Variants in TDO2 observed in about 807,000 individuals in gnomAD.
TDO2 encodes tryptophan 2,3-dioxygenase, also known as tryptamin 2,3-dioxygenase.
In TDO2, 63 loss-of-function variants were observed where a neutral mutation model predicts 61.2. The observed-to-expected ratio is 1.03, with a 90% CI of 0.84 to 1.27. The LOEUF is 1.27. TDO2 is among the 50% of genes most tolerant of loss of function. TDO2 has a pLI of 0.00. For synonymous variants in TDO2, 183 were observed against 164.0 expected, an observed-to-expected ratio of 1.12 and a Z score of -0.89; for missense variants, 494 against 469.5, an observed-to-expected ratio of 1.05 and a Z score of -0.48.
intron 9 of TDO2, 140 bp downstream of exon 9, chr4:155,916,052 A>T: frequency 4.3e-6 from 3 of 694,836 alleles, no homozygotes; most frequent in Non-Finnish European, 6.7e-6. Flanking sequence ...GATAATTAGT[A>T]ATGAAGTTTT....
chr4:155,916,260 C>T (rs992258832), intron 9 of TDO2, among the ~76,000 whole-genome samples: 10 of 144,688 alleles, frequency 6.9e-5, no homozygotes, highest in Non-Finnish European at 1.4e-4. Context: ...CTCCGCCTCC[C>T]GGGTTCACGC....
chr4:155,908,835 AT>A (rs1289574759), intron 4 of TDO2, 51 bp from the exon 5 acceptor site: 1 of 1,527,680 alleles, frequency 6.5e-7, no homozygotes, highest in African/African-American at 1.4e-5. Context: ...TCTATTTTGT[AT>A]TTTCTAGAGG....
In TDO2 at chr4:155,919,645, G is replaced by A. The variant is rs551636118; in HGVS notation, c.1068-192G>A. 2.6e-5 allele frequency among the ~76,000 whole-genome samples: 4 copies of A among 151,794 alleles called. No individual in the cohort carries two copies. The South Asian group carries it at 8.3e-4, about 32-fold the overall frequency. ...TTTTATGGGCATAAACTTTGAAAAT[G>A]GAATAAAAAGCAGACAATCAATACT... On this transcript the variant is annotated intron_variant, in intron 11 of 11. Transcript: ENST00000536354.
In TDO2 at chr4:155,914,422, C is replaced by T; in HGVS notation, c.826C>T (p.Leu276Phe). ...ATTTGATGAGAAACGTCATGAACAT[C>T]TCCTTAGTAAAGGCAGGTATTTTTA... ...SLFDEKRHEH[L>F]LSKGERRLSY... Residue 276 changes from leucine to phenylalanine, a missense_variant, in exon 8 of 12, where the codon CTC (leucine) becomes TTC (phenylalanine). Physicochemically the swap from Leu to Phe is conservative, Grantham distance 22 (BLOSUM62 0). Transcript: ENST00000536354. The T allele has an allele frequency of 6.3e-7, 1 of 1,592,624 alleles. No individual in the cohort carries two copies. Among genetic ancestry groups the T allele is most frequent in the Non-Finnish European group, 8.5e-7 (1 of 1,174,388 alleles).
intron 7 of TDO2, among the ~76,000 whole-genome samples, chr4:155,913,961 CT>C (rs1742885071): frequency 6.6e-6 from 1 of 152,006 alleles, no homozygotes; most frequent in African/African-American, 2.4e-5. Context: ...GAATTCTTAA[CT>C]TTTTCTAAGT....
Position 155,903,723 on chromosome 4 carries a change from C to G in TDO2, c.-36C>G, listed in dbSNP as rs1742666191. ...GTCAATGATAGCATCTGCCTAGAGT[C>G]AAACCTCCGTGCTTCTCAGACAGTG... On this transcript the variant is annotated 5_prime_UTR_variant, in exon 1 of 12. Transcript: ENST00000536354. 6.2e-7 allele frequency: 1 copy of G among 1,614,040 alleles called. No individual in the cohort carries two copies. Among genetic ancestry groups the G allele is most frequent in the Non-Finnish European group, 8.5e-7 (1 of 1,179,934 alleles).
chr4:155,917,261 C>T (rs1742957499), intron 9 of TDO2, 134 bp from the exon 10 acceptor site: 2 of 630,210 alleles, frequency 3.2e-6, no homozygotes, highest in African/African-American at 3.7e-5. Context: ...AGAGAATAAG[C>T]CAAAGCTGCC....
rs377310566 is a variant in TDO2, at chr4:155,916,313, G to A, written c.896+401G>A. Among the ~76,000 whole-genome samples the A allele has an allele frequency of 7.5e-3, 1,077 of 143,962 alleles. 12 individuals carry two copies. The highest frequency in any genetic ancestry group is 0.026 in the African/African-American group (1,017 of 39,246). 94.4% of individuals were successfully genotyped at this position (143,962 alleles called of 152,430 possible). A position where few individuals can be genotyped will look rare whatever the true frequency, so the allele number is the denominator to read the frequency against. ...CTCCCGAGTAGCTGGGACTACAGGC[G>A]CCCACCACCACGCCAGGCTAATTTT... On this transcript the variant is annotated intron_variant, in intron 9 of 11. Coordinates refer to ENST00000536354, the MANE Select transcript of TDO2 (RefSeq NM_005651.4).
In TDO2 at chr4:155,904,071, C is replaced by G. The variant is rs1200167002; in HGVS notation, c.89C>G (p.Thr30Ser). The G allele has an allele frequency of 7.4e-6, 12 of 1,613,942 alleles. No individual in the cohort carries two copies. Among genetic ancestry groups the G allele is most frequent in the Non-Finnish European group, 8.5e-6 (10 of 1,179,994 alleles). ...VEGSEEDKSQTGVNRASKGGL... is the reference protein window; with the variant it reads ...VEGSEEDKSQSGVNRASKGGL... ...GGCAGCGAAGAAGACAAATCACAAA[C>G]TGGTGTGAATAGAGCCAGCAAAGGA... The change falls in exon 2 of 12, where the codon ACT (threonine) becomes AGT (serine). Residue 30 changes from threonine (T) to serine (S), a missense_variant. Coordinates refer to ENST00000536354, the MANE Select transcript of TDO2 (RefSeq NM_005651.4).
At chr4:155,918,284 A>T in intron 11 of TDO2, 45 bp downstream of exon 11, 1 of 1,583,280 alleles carries the variant, frequency 6.3e-7, no homozygotes, top group South Asian at 1.1e-5. Flanking sequence ...AGTCACCAAC[A>T]ATTTGTTTCT....
intron 10 of TDO2, 69 bp from the exon 11 acceptor site, chr4:155,918,080 T>G: frequency 1.4e-6 from 2 of 1,446,850 alleles, no homozygotes; most frequent in Non-Finnish European, 1.9e-6. Flanking sequence ...TACCAACCCC[T>G]CATTGTTAGA....
chr4:155,917,456 C>T lies in TDO2; in HGVS notation c.958C>T (p.Leu320=). The change falls in exon 10 of 12, where the codon CTG becomes TTG. Residue 320 remains leucine (L), a synonymous_variant. Transcript: ENST00000536354. ...LLTSLMDIDS[L]MTKWRYNHVC... ...GACTTCTCTTATGGACATAGATTCACTGATGACCAAATGGAGATGTAAGTC... is the reference window on the plus strand; with the variant it reads ...GACTTCTCTTATGGACATAGATTCATTGATGACCAAATGGAGATGTAAGTC... The T allele has an allele frequency of 6.2e-7, 1 of 1,611,242 alleles. No individual in the cohort carries two copies. The highest frequency in any genetic ancestry group is 8.5e-7 in the Non-Finnish European group (1 of 1,178,818).
rs28452752 is a variant in TDO2 at position 155,913,371 on chromosome 4, A to G, written c.727-952A>G. ...TAGTTCTTTGGATTTATCACCAAGG[A>G]GTCCTTTTATGTGTTCTTCTCTGGG... On this transcript the variant is annotated intron_variant, in intron 7 of 11. Coordinates refer to ENST00000536354, the MANE Select transcript of TDO2 (RefSeq NM_005651.4). Among the ~76,000 whole-genome samples, 1,252 of 152,204 alleles carry G rather than the reference A, an allele frequency of 8.2e-3. 16 individuals are homozygous for G. Among genetic ancestry groups the G allele is most frequent in the African/African-American group, 0.029 (1,199 of 41,530 alleles).
chr4:155,919,734 G>A, intron 11 of TDO2, 103 bp from the exon 12 acceptor site: 1 of 964,618 alleles, frequency 1.0e-6, no homozygotes, highest in Non-Finnish European at 1.5e-6. Flanking sequence ...TTATAATATT[G>A]AATACTAACT....
At chr4:155,917,156 A>G (rs1318666005) in intron 9 of TDO2, among the ~76,000 whole-genome samples, 3 of 152,164 alleles carry the variant, frequency 2.0e-5, no homozygotes, top group African/African-American at 7.2e-5. Context: ...CTAGGTGATT[A>G]CTTCATGTAT....
At chr4:155,915,585 G>GA (rs1367545159) in intron 8 of TDO2, among the ~76,000 whole-genome samples, 3 of 152,150 alleles carry the variant, frequency 2.0e-5, no homozygotes, top group African/African-American at 7.2e-5. Flanking sequence ...GTGTTTTCTA[G>GA]AAAAATCAGG....
intron 8 of TDO2, 80 bp downstream of exon 8, chr4:155,914,514 G>A: frequency 1.1e-6 from 1 of 938,204 alleles, no homozygotes; most frequent in South Asian, 2.4e-5. Context: ...AGACTATCAA[G>A]CCTTACTTGG....
intron 11 of TDO2, 85 bp downstream of exon 11, chr4:155,918,324 C>A (rs2110887136): frequency 3.1e-6 from 4 of 1,278,958 alleles, no homozygotes; most frequent in Non-Finnish European, 3.4e-6. Flanking sequence ...CTAAAAAAAG[C>A]CATTTTATTT....
chr4:155,903,894 T>C lies in TDO2; in HGVS notation c.35+101T>C. The C allele has an allele frequency of 3.9e-6, 6 of 1,531,228 alleles. No individual in the cohort carries two copies. In the Admixed American group the frequency reaches 6.8e-5, roughly 17 times the overall value. 94.9% of individuals were successfully genotyped at this position (1,531,228 alleles called of 1,614,324 possible). On this transcript the variant is annotated intron_variant, in intron 1 of 11. Coordinates refer to ENST00000536354, the MANE Select transcript of TDO2 (RefSeq NM_005651.4). The stretch of plus-strand genomic sequence containing the variant: ...TAAGGAGCATTGAAAACTGTCACCT[T>C]TATTCCTTTGTCTAACAATCTACTC...
Sources: allele counts gnomAD v4.1 joint callset (sites outside exome capture counted in the v4.1 genomes callset), GRCh38; gene constraint gnomAD v4.1.1; transcripts MANE v1.5; gene names NCBI Gene and HGNC (gene_info 2026-07-23, HGNC 2026-07-21).